Variants in LNX2 observed in about 807,000 individuals in gnomAD.
The protein encoded by LNX2 is ligand of Numb protein X 2.
LNX2 carries 35 observed loss-of-function variants against 66.2 expected under a neutral mutation model. That is an observed-to-expected ratio of 0.53 (90% CI 0.40 to 0.70). The LOEUF (loss-of-function observed/expected upper bound fraction) is 0.70. Ranked by LOEUF, LNX2 falls within the 30% of genes least tolerant of loss-of-function variation. The probability of loss-of-function intolerance (pLI) is 0.00; values close to 1 mark genes in which losing one functional copy is unlikely to be tolerated. For synonymous variants in LNX2, 337 were observed against 315.6 expected (o/e 1.07, Z -0.72); for missense variants, 791 against 850.8 (o/e 0.93, Z 0.87).
chr13:27,556,926 G>A (rs1050226161), intron 6 of LNX2, among the ~76,000 whole-genome samples: 2 of 152,164 alleles, frequency 1.3e-5, no homozygotes, highest in African/African-American at 2.4e-5. Context: ...TGAAGAAGAT[G>A]CAAATCTACC....
At chr13:27,581,167 C>G (rs1955392395) in intron 2 of LNX2, 130 bp downstream of exon 2, 2 of 575,758 alleles carry the variant, frequency 3.5e-6, no homozygotes, top group Admixed American at 7.4e-5. Context: ...TTTATTGTAT[C>G]TCTTCTGTAC....
chr13:27,569,537 G>A (rs1274749249), intron 2 of LNX2, among the ~76,000 whole-genome samples: 1 of 152,142 alleles, frequency 6.6e-6, no homozygotes, highest in Non-Finnish European at 1.5e-5. Flanking sequence ...TTGTATGCAG[G>A]TATATACTTG....
At chr13:27,552,472 G>A (rs1269609467) in intron 8 of LNX2, among the ~76,000 whole-genome samples, 4 of 152,154 alleles carry the variant, frequency 2.6e-5, no homozygotes, top group Admixed American at 2.6e-4. Flanking sequence ...TTCATACTTG[G>A]TCAAAAGTCA....
In LNX2 at chr13:27,562,653, A is replaced by G. The variant is rs1955150226; in HGVS notation, c.984T>C (p.Ser328=). 6.2e-7 allele frequency: 1 copy of G among 1,614,082 alleles called. No individual in the cohort carries two copies. The highest frequency in any genetic ancestry group is 1.7e-5 in the Admixed American group (1 of 60,010). The change falls in exon 5 of 10, where the codon TCT becomes TCC. Residue 328 remains serine, a synonymous_variant. Transcript: ENST00000316334. ...RRFGNRAHNH[S]DSNSPREEIF... is the part of the protein sequence containing the mutation. ...TCTCTTCTCGTGGAGAGTTACTATCAGAATGGTTGTGTGCTCGGTTGCCAA... is the reference window on the plus strand; with the variant it reads ...TCTCTTCTCGTGGAGAGTTACTATCGGAATGGTTGTGTGCTCGGTTGCCAA...
intron 1 of LNX2, among the ~76,000 whole-genome samples, chr13:27,597,997 T>C (rs2138443129): frequency 6.6e-6 from 1 of 152,268 alleles, no homozygotes; most frequent in South Asian, 2.1e-4. Flanking sequence ...CTCTATAAAC[T>C]GTACTGTTGA....
chr13:27,600,834 T>C (rs887085295), intron 1 of LNX2, among the ~76,000 whole-genome samples: 1 of 152,178 alleles, frequency 6.6e-6, no homozygotes, highest in African/African-American at 2.4e-5. Context: ...GCTGAACCAA[T>C]CACAGTAGCC....
At chr13:27,557,477 T>C (rs538847164) in intron 6 of LNX2, among the ~76,000 whole-genome samples, 15 of 152,182 alleles carry the variant, frequency 9.9e-5, no homozygotes, top group Admixed American at 8.5e-4. Context: ...ACAAGAACTA[T>C]CCCATTAAGT....
chr13:27,618,199 G>C (rs1172930415), intron 1 of LNX2, among the ~76,000 whole-genome samples: 1 of 152,168 alleles, frequency 6.6e-6, no homozygotes, highest in African/African-American at 2.4e-5. Flanking sequence ...CACTTACCTA[G>C]TCCAGCCTCC....
At chr13:27,578,545 G>C (rs1378428030) in intron 2 of LNX2, among the ~76,000 whole-genome samples, 1 of 152,142 alleles carries the variant, frequency 6.6e-6, no homozygotes, top group Non-Finnish European at 1.5e-5. Context: ...GGATATGGGT[G>C]GGTTTATGAC....
At chr13:27,586,670 T>C (rs574315729) in intron 1 of LNX2, among the ~76,000 whole-genome samples, 5 of 152,366 alleles carry the variant, frequency 3.3e-5, no homozygotes, top group South Asian at 2.1e-4. Flanking sequence ...TCAGATATTA[T>C]ATATCTGTGA....
intron 1 of LNX2, among the ~76,000 whole-genome samples, chr13:27,597,971 T>A (rs924319279): frequency 1.9e-4 from 29 of 152,130 alleles, no homozygotes; most frequent in African/African-American, 6.8e-4. Context: ...AATTTGATAA[T>A]CCATTTACTA....
chr13:27,594,147 T>C (rs749645281), intron 1 of LNX2, among the ~76,000 whole-genome samples: 10 of 152,212 alleles, frequency 6.6e-5, no homozygotes, highest in Non-Finnish European at 1.2e-4. Context: ...TCTTTTAATA[T>C]TTATAAATTT....
In LNX2 at chr13:27,614,322, T is replaced by TA. The variant is rs1311284181; in HGVS notation, c.-101+6052dup. ...CAGATAACATCACTACTGGAGAAAC[T>TA]AAGATTGGCCTTTTGAGATATCTGT... On this transcript the variant is annotated intron_variant, in intron 1 of 9. Coordinates refer to ENST00000316334, the MANE Select transcript of LNX2 (RefSeq NM_153371.4). Among the ~76,000 whole-genome samples, 7 of 152,302 alleles carry TA rather than the reference T, an allele frequency of 4.6e-5. No individual in the cohort carries two copies. In the East Asian group the frequency reaches 1.4e-3, roughly 29 times the overall value.
chr13:27,578,112 C>T (rs1216603507), intron 2 of LNX2, among the ~76,000 whole-genome samples: 5 of 152,138 alleles, frequency 3.3e-5, no homozygotes, highest in Admixed American at 2.6e-4. Context: ...AAAATGTTTG[C>T]TCTTCTCAAA....
At chr13:27,550,539 A>G in intron 8 of LNX2, 48 bp from the exon 9 acceptor site, 1 of 1,460,104 alleles carries the variant, frequency 6.8e-7, no homozygotes, top group South Asian at 1.2e-5. Flanking sequence ...GGAGGCTTTT[A>G]TAGCCGCTTA....
At chr13:27,563,147 G>A (rs1198549399) in intron 4 of LNX2, among the ~76,000 whole-genome samples, 1 of 152,176 alleles carries the variant, frequency 6.6e-6, no homozygotes, top group Admixed American at 6.5e-5. Context: ...GGATCAGTAT[G>A]AGAATGAACA....
intron 2 of LNX2, among the ~76,000 whole-genome samples, chr13:27,572,205 A>T (rs1338126538): frequency 6.6e-6 from 1 of 152,222 alleles, no homozygotes; most frequent in Middle Eastern, 3.2e-3. Flanking sequence ...TCATTAAAAA[A>T]CAGAAATCAC....
intron 1 of LNX2, among the ~76,000 whole-genome samples, chr13:27,596,188 T>A (rs1955595341): frequency 6.6e-6 from 1 of 152,164 alleles, no homozygotes; most frequent in South Asian, 2.1e-4. Flanking sequence ...ATGAACAGTA[T>A]AGCCTAGAGA....
intron 4 of LNX2, among the ~76,000 whole-genome samples, chr13:27,564,587 C>A (rs1353107309): frequency 6.6e-6 from 1 of 151,974 alleles, no homozygotes; most frequent in Non-Finnish European, 1.5e-5. Flanking sequence ...AAAGCTCTAA[C>A]AGCATATGGT....
Sources: allele counts gnomAD v4.1 joint callset (sites outside exome capture counted in the v4.1 genomes callset), GRCh38; gene constraint gnomAD v4.1.1; transcripts MANE v1.5; gene names NCBI Gene and HGNC (gene_info 2026-07-23, HGNC 2026-07-21).